The following DRC11 variants were observed in gnomAD, a reference collection of about 807,000 sequenced individuals.
The protein encoded by DRC11 is dynein regulatory complex subunit 11.
At chr2:236,377,065 C>G in the DRC11 span, 1 of 1,296,270 alleles carries the variant, frequency 7.7e-7, no homozygotes, top group African/African-American at 1.5e-5. The surrounding 1 kb of genome is among the most constrained non-coding windows in gnomAD (Gnocchi z 4.9). Context: ...CAAGAGGTGA[C>G]ACGTGACACA....
the DRC11 span, chr2:236,391,959 G>T: frequency 3.1e-6 from 5 of 1,607,660 alleles, no homozygotes. The surrounding 1 kb of genome is among the most constrained non-coding windows in gnomAD (Gnocchi z 4.5). Context: ...CCCTCTGCAG[G>T]CTCCTTCCCC....
the DRC11 span, among the ~76,000 whole-genome samples, chr2:236,484,608 T>G: frequency 6.6e-6 from 1 of 152,134 alleles, no homozygotes; most frequent in Non-Finnish European, 1.5e-5. Context: ...GGCTTTTTTT[T>G]TTTTTGTAGC....
At chr2:236,403,536 T>C in the DRC11 span, among the ~76,000 whole-genome samples, 1 of 151,960 alleles carries the variant, frequency 6.6e-6, no homozygotes, top group Non-Finnish European at 1.5e-5. Context: ...GGAGGCTAGT[T>C]TGCATGCATA....
At chr2:236,369,404 A>G in the DRC11 span, among the ~76,000 whole-genome samples, 1 of 152,208 alleles carries the variant, frequency 6.6e-6, no homozygotes. This position sits in a 1 kb window ranked among gnomAD's most constrained non-coding sequence, Gnocchi z 4.5. Context: ...TAATGAAAGC[A>G]TCTATTATGG....
chr2:236,310,286 G>A, the DRC11 span, among the ~76,000 whole-genome samples: 1 of 152,176 alleles, frequency 6.6e-6, no homozygotes, highest in African/African-American at 2.4e-5. The surrounding 1 kb of genome is among the most constrained non-coding windows in gnomAD (Gnocchi z 5.5). Context: ...CAGATGCTAA[G>A]CATTTGGAGG....
chr2:236,441,825 TA>T, the DRC11 span, among the ~76,000 whole-genome samples: 1 of 152,206 alleles, frequency 6.6e-6, no homozygotes, highest in African/African-American at 2.4e-5. Flanking sequence ...AAATGGCCCT[TA>T]AAAAACTGGT....
chr2:236,460,534 A>G, the DRC11 span, among the ~76,000 whole-genome samples: 10 of 152,178 alleles, frequency 6.6e-5, no homozygotes, highest in African/African-American at 2.4e-4. The surrounding 1 kb of genome is among the most constrained non-coding windows in gnomAD (Gnocchi z 4.0). Context: ...GGGTGTCTTA[A>G]AAATGTAAAA....
the DRC11 span, among the ~76,000 whole-genome samples, chr2:236,480,024 T>C: frequency 6.9e-6 from 1 of 145,878 alleles, no homozygotes; most frequent in Non-Finnish European, 1.5e-5. Context: ...GTTGACAGGT[T>C]TTTTTTTTTT....
chr2:236,411,489 A>C, the DRC11 span, among the ~76,000 whole-genome samples: 5 of 151,718 alleles, frequency 3.3e-5, no homozygotes, highest in East Asian at 9.7e-4. Flanking sequence ...TCAGTGTGGC[A>C]ATTTCTCAGG....
the DRC11 span, among the ~76,000 whole-genome samples, chr2:236,448,264 G>T: frequency 3.3e-5 from 5 of 152,120 alleles, no homozygotes; most frequent in African/African-American, 1.2e-4. This position sits in a 1 kb window ranked among gnomAD's most constrained non-coding sequence, Gnocchi z 5.3. Flanking sequence ...TATTTTATTT[G>T]ATTGAAAAAC....
At chr2:236,311,256 C>T in the DRC11 span, among the ~76,000 whole-genome samples, 3,704 of 152,294 alleles carry the variant, frequency 0.024, 157 homozygotes, top group African/African-American at 0.086. The surrounding 1 kb of genome is among the most constrained non-coding windows in gnomAD (Gnocchi z 6.9). Context: ...GCAGGGCAAG[C>T]GCCACACCTG....
At chr2:236,423,597 T>C in the DRC11 span, among the ~76,000 whole-genome samples, 1 of 152,190 alleles carries the variant, frequency 6.6e-6, no homozygotes, top group Non-Finnish European at 1.5e-5. Context: ...TTTTACACTG[T>C]TGGTGGGACT....
chr2:236,416,770 A>ATATATATATATATAT, the DRC11 span, among the ~76,000 whole-genome samples: 3 of 69,600 alleles, frequency 4.3e-5, no homozygotes, highest in African/African-American at 1.5e-4. Context: ...TATATATATA[A>ATATATATATATATAT]ATAATTTTGC....
At chr2:236,358,065 AATAT>A in the DRC11 span, among the ~76,000 whole-genome samples, 6 of 120,180 alleles carry the variant, frequency 5.0e-5, no homozygotes, top group African/African-American at 1.0e-4. Context: ...ATATTATATG[AATAT>A]ATATTTATAA....
chr2:236,414,070 CTG>C, the DRC11 span, among the ~76,000 whole-genome samples: 1 of 152,210 alleles, frequency 6.6e-6, no homozygotes, highest in Admixed American at 6.5e-5. Flanking sequence ...GGATTTAAAA[CTG>C]AGAACTCAAA....
chr2:236,366,713 A>G, the DRC11 span, among the ~76,000 whole-genome samples: 1 of 149,994 alleles, frequency 6.7e-6, no homozygotes, highest in Middle Eastern at 3.4e-3. Context: ...CAACCTCATT[A>G]GGGAGGCGTT....
chr2:236,480,743 T>A, the DRC11 span, among the ~76,000 whole-genome samples: 1 of 152,358 alleles, frequency 6.6e-6, no homozygotes, highest in African/African-American at 2.4e-5. Context: ...TCTTGCTTTG[T>A]CTCATTGAGG....
At chr2:236,426,468 T>C in the DRC11 span, among the ~76,000 whole-genome samples, 4 of 150,536 alleles carry the variant, frequency 2.7e-5, no homozygotes, top group South Asian at 8.3e-4. The surrounding 1 kb of genome is among the most constrained non-coding windows in gnomAD (Gnocchi z 4.1). Context: ...ATGCTACTGA[T>C]CTTTTGTATG....
the DRC11 span, among the ~76,000 whole-genome samples, chr2:236,358,067 T>G: frequency 8.3e-6 from 1 of 120,446 alleles, no homozygotes; most frequent in Admixed American, 9.7e-5. Context: ...ATTATATGAA[T>G]ATATATTTAT....
Sources: gnomAD v4.1 joint callset for allele counts (sites outside exome capture counted in the v4.1 genomes callset) on GRCh38, gnomAD v4.1.1 for gene constraint, Gnocchi (gnomAD v3.1) non-coding constraint, MANE v1.5 for transcripts, NCBI Gene and HGNC (gene_info 2026-07-23, HGNC 2026-07-21) for gene names.